DNAJB1: variants seen among roughly 807,000 people sequenced by gnomAD.
DNAJB1 encodes dnaJ homolog subfamily B member 1.
A neutral mutation model predicts 24.0 loss-of-function variants in DNAJB1; 14 were observed. The ratio of observed to expected loss-of-function variants is 0.58; its 90% CI spans 0.39 to 0.91. The LOEUF (loss-of-function observed/expected upper bound fraction) is 0.91. DNAJB1 is among the 40% of genes least tolerant of loss of function. The probability of loss-of-function intolerance (pLI) is 0.00; values close to 1 mark genes in which losing one functional copy is unlikely to be tolerated. For synonymous variants in DNAJB1, 262 were observed against 174.4 expected (o/e 1.50, Z -3.96); for missense variants, 517 against 458.1 (o/e 1.13, Z -1.17).
At chr19:14,557,749 GTCA>G (rs1399633985) in intron 1 of DNAJB1, among the ~76,000 whole-genome samples, 1 of 145,058 alleles carries the variant, frequency 6.9e-6, no homozygotes, top group Admixed American at 6.9e-5. Context: ...ACCGTGCCCG[GTCA>G]TCATATTTAT....
At chr19:14,519,987 GC>G (rs1227098356), upstream of DNAJB1, among the ~76,000 whole-genome samples, 2 of 152,114 alleles carry the variant, frequency 1.3e-5, no homozygotes, top group Non-Finnish European at 2.9e-5. Flanking sequence ...TGTAACACTG[GC>G]TCTGGAACCA....
upstream of DNAJB1, among the ~76,000 whole-genome samples, chr19:14,519,641 G>T (rs1027594483): frequency 6.6e-6 from 1 of 152,004 alleles, no homozygotes; most frequent in Non-Finnish European, 1.5e-5. Context: ...GTCTGACATC[G>T]CCACCTGGGC....
chr19:14,535,509 A>G (rs1599415204), intron 1 of DNAJB1, among the ~76,000 whole-genome samples: 1 of 11,454 alleles, frequency 8.7e-5, no homozygotes, highest in Admixed American at 1.6e-3. Flanking sequence ...TCCGTCTCAA[A>G]AAAAAAAAAA....
At chr19:14,531,815 T>G (rs910434968), upstream of DNAJB1, 1 of 152,120 alleles carries the variant, frequency 6.6e-6, no homozygotes, top group Non-Finnish European at 1.5e-5. Context: ...ATTTAAGTTT[T>G]CATTCTAGAA....
At chr19:14,552,791 C>T (rs546618391), upstream of DNAJB1, among the ~76,000 whole-genome samples, 8 of 152,194 alleles carry the variant, frequency 5.3e-5, no homozygotes, top group African/African-American at 1.7e-4. Context: ...CCGCCTCGGC[C>T]TCCCAAAGTG....
chr19:14,538,226 G>T (rs868224582), intron 1 of DNAJB1, among the ~76,000 whole-genome samples: 1 of 152,174 alleles, frequency 6.6e-6, no homozygotes. Context: ...TTTGCTGTGG[G>T]TCGTGCACTG....
Position 14,518,221 on chromosome 19 carries a change from C to T in DNAJB1, c.129G>A (p.Glu43=), listed in dbSNP as rs144341729. ...PDKNKEPGAE[E]KFKEIAEAYD... ...AGGCCTCAGCGATCTCCTTGAACTT[C>T]TCCTCGGCGCCGGGCTCCTTGTTCT... The change falls in exon 1 of 3, where the codon GAG becomes GAA. Residue 43 remains glutamate (E), a synonymous_variant. Transcript: ENST00000254322. The T allele has an allele frequency of 4.3e-6, 7 of 1,610,156 alleles. No homozygotes were observed. The highest frequency in any genetic ancestry group is 5.1e-6 in the Non-Finnish European group (6 of 1,178,528).
At chr19:14,553,198 G>C (rs975560237), upstream of DNAJB1, among the ~76,000 whole-genome samples, 1 of 152,150 alleles carries the variant, frequency 6.6e-6, no homozygotes, top group African/African-American at 2.4e-5. Context: ...CTCGCTCGGG[G>C]CTCTGCTGGA....
At chr19:14,522,683 G>GACACACAGACAGACACAC (rs751484199), upstream of DNAJB1, among the ~76,000 whole-genome samples, 11 of 117,932 alleles carry the variant, frequency 9.3e-5, no homozygotes, top group African/African-American at 3.9e-4. Context: ...CACACACACA[G>GACACACAGACAGACACAC]ACACACACAC....
chr19:14,529,380 T>C, upstream of DNAJB1: 1 of 520,920 alleles, frequency 1.9e-6, no homozygotes, highest in South Asian at 2.0e-5. Context: ...CTCCTTTGGA[T>C]TGGTGGATGG....
chr19:14,515,957 G>C lies in DNAJB1; in HGVS notation c.1006C>G (p.Gln336Glu), dbSNP rs767875619. ...IPQTSRTVLE[Q>E]VLPI ...TCAGATAGCTATATTGGAAGAACCT[G>C]CTCAAGTACGGTTCTTGATGTCTGG... The change falls in exon 3 of 3, where the codon CAG (glutamine) becomes GAG (glutamate). Residue 336 changes from glutamine to glutamate, a missense_variant. Physicochemically the swap from Gln to Glu is conservative, Grantham distance 29. Transcript: ENST00000254322. The C allele has an allele frequency of 6.2e-7, 1 of 1,609,174 alleles. No homozygotes were observed. Among genetic ancestry groups the C allele is most frequent in the South Asian group, 1.1e-5 (1 of 90,808 alleles).
chr19:14,521,667 G>A (rs1438731047), upstream of DNAJB1, among the ~76,000 whole-genome samples: 1 of 152,044 alleles, frequency 6.6e-6, no homozygotes, highest in Non-Finnish European at 1.5e-5. Flanking sequence ...TGTAGCCCAG[G>A]CTGGAGTGCA....
Position 14,516,980 on chromosome 19 carries a change from G to A in DNAJB1, c.278C>T (p.Thr93Ile), listed in dbSNP as rs1352192209. The A allele has an allele frequency of 1.2e-6, 2 of 1,612,554 alleles. No homozygotes were observed. The highest frequency in any genetic ancestry group is 1.7e-6 in the Non-Finnish European group (2 of 1,180,002). ...GGANGTSFSY[T>I]FHGDPHAMFA... ...CATGGCATGAGGGTCTCCATGGAAT[G>A]TGTAGCTGAAAGAGGTACCATTGGC... The change falls in exon 2 of 3, where the codon ACA (threonine) becomes ATA (isoleucine). Residue 93 changes from threonine (T) to isoleucine (I), a missense_variant. Thr to Ile is a moderately conservative substitution (Grantham distance 89). Transcript: ENST00000254322.
chr19:14,542,347 GTTT>G (rs71166754), intron 1 of DNAJB1, among the ~76,000 whole-genome samples: 11 of 43,292 alleles, frequency 2.5e-4, no homozygotes, highest in Non-Finnish European at 3.5e-4. Flanking sequence ...ATGCCATAGT[GTTT>G]TTTTTTTTTT....
At chr19:14,545,555 G>T (rs1259390973) in intron 1 of DNAJB1, among the ~76,000 whole-genome samples, 1 of 152,158 alleles carries the variant, frequency 6.6e-6, no homozygotes, top group Non-Finnish European at 1.5e-5. Flanking sequence ...TCATATCCCG[G>T]CCCTTGGATC....
At chr19:14,554,609 C>T (rs545470810), upstream of DNAJB1, among the ~76,000 whole-genome samples, 176 of 152,292 alleles carry the variant, frequency 1.2e-3, no homozygotes, top group Admixed American at 2.0e-3. Context: ...CTTCAGGCTG[C>T]GCCTCCAGGG....
chr19:14,534,423 C>CTT (rs756051119), upstream of DNAJB1, among the ~76,000 whole-genome samples: 914 of 52,486 alleles, frequency 0.017, 302 homozygotes, highest in African/African-American at 0.075. Context: ...CATGCCTGGC[C>CTT]TTTTTTTTTT....
At chr19:14,556,697 G>T (rs1329154152) in intron 1 of DNAJB1, among the ~76,000 whole-genome samples, 1 of 152,160 alleles carries the variant, frequency 6.6e-6, no homozygotes, top group Non-Finnish European at 1.5e-5. Context: ...TTGGCTGGTG[G>T]CAGGGCCAGG....
intron 1 of DNAJB1, among the ~76,000 whole-genome samples, chr19:14,543,440 T>A (rs1286052686): frequency 0.1 from 4,857 of 48,592 alleles, 445 homozygotes; most frequent in Non-Finnish European, 0.17. Context: ...TTTTTTTTTT[T>A]TTTTTTTTTT....
Sources: gnomAD v4.1 joint callset for allele counts (sites outside exome capture counted in the v4.1 genomes callset) on GRCh38, gnomAD v4.1.1 for gene constraint, MANE v1.5 for transcripts, NCBI Gene and HGNC (gene_info 2026-07-23, HGNC 2026-07-21) for gene names.